Variants in FBXW7 observed in about 807,000 individuals in gnomAD.
FBXW7 encodes F-box and WD repeat domain containing 7, also known as F-box/WD repeat-containing protein 7.
FBXW7 carries 11 observed loss-of-function variants against 86.3 expected under a neutral mutation model. The ratio of observed to expected loss-of-function variants is 0.13; its 90% CI spans 0.08 to 0.21. The LOEUF (loss-of-function observed/expected upper bound fraction) is 0.21. Among genes scored for constraint, FBXW7 ranks in the 10% least tolerant of loss-of-function variants. FBXW7 has a pLI of 1.00. For missense variants in FBXW7, 488 were observed against 847.4 expected, an observed-to-expected ratio of 0.58 and a Z score of 5.27; for synonymous variants, 313 against 297.9, an observed-to-expected ratio of 1.05 and a Z score of -0.52.
At chr4:152,326,712 C>T (rs930109804) in intron 11 of FBXW7, among the ~76,000 whole-genome samples, 4 of 151,966 alleles carry the variant, frequency 2.6e-5, no homozygotes, top group African/African-American at 7.2e-5. Flanking sequence ...ATTATGAATG[C>T]ATATATTCCC....
intron 4 of FBXW7, among the ~76,000 whole-genome samples, chr4:152,403,950 A>G (rs1038248700): frequency 6.6e-6 from 1 of 152,218 alleles, no homozygotes; most frequent in East Asian, 1.9e-4. Context: ...CTCTTCAAAG[A>G]AAACAATAAA....
At chr4:152,524,679 T>C (rs1003964734) in intron 2 of FBXW7, among the ~76,000 whole-genome samples, 4 of 152,134 alleles carry the variant, frequency 2.6e-5, no homozygotes, top group African/African-American at 9.7e-5. Flanking sequence ...CTGCCTCTTC[T>C]TTCCTCCCTC....
intron 2 of FBXW7, among the ~76,000 whole-genome samples, chr4:152,486,716 T>C (rs1485725282): frequency 1.3e-5 from 2 of 152,006 alleles, no homozygotes; most frequent in East Asian, 3.9e-4. Context: ...TTTTAATAAG[T>C]AGAAGTACAT....
At chr4:152,449,694 A>C (rs370658512) in intron 2 of FBXW7, among the ~76,000 whole-genome samples, 43 of 152,228 alleles carry the variant, frequency 2.8e-4, no homozygotes, top group African/African-American at 1.0e-3. Flanking sequence ...ACCACAAACC[A>C]CCCTGAAAAC....
chr4:152,423,207 ATGG>A (rs1381212970), intron 2 of FBXW7, among the ~76,000 whole-genome samples: 2 of 152,326 alleles, frequency 1.3e-5, no homozygotes, highest in Admixed American at 1.3e-4. Flanking sequence ...AGGTGGCAAA[ATGG>A]TGGTATTCTA....
intron 4 of FBXW7, among the ~76,000 whole-genome samples, chr4:152,382,793 T>A: frequency 6.6e-6 from 1 of 152,292 alleles, no homozygotes; most frequent in Non-Finnish European, 1.5e-5. Flanking sequence ...GTCTTCCTTA[T>A]CCAAATGTCA....
chr4:152,391,134 A>C (rs1281038253), intron 4 of FBXW7, among the ~76,000 whole-genome samples: 1 of 152,082 alleles, frequency 6.6e-6, no homozygotes, highest in Admixed American at 6.6e-5. Flanking sequence ...ATTTTCAGTA[A>C]TGTGCTATGC....
intron 2 of FBXW7, among the ~76,000 whole-genome samples, chr4:152,438,776 C>G (rs891870165): frequency 3.9e-5 from 6 of 152,238 alleles, no homozygotes; most frequent in Admixed American, 1.3e-4. Flanking sequence ...ACTACCCTAC[C>G]CACATGGGAG....
chr4:152,347,080 A>C lies in FBXW7; in HGVS notation c.585-9T>G. On this transcript the variant is annotated splice_polypyrimidine_tract_variant and intron_variant, in intron 5 of 13. Coordinates refer to ENST00000281708, the MANE Select transcript of FBXW7 (RefSeq NM_001349798.2). ...GTACAAGCCCAGTGGTACTACAAAA[A>C]AAAAAAAAAGAGAGAGAGAAAGGAT... 1 of 1,583,710 alleles carries C rather than the reference A, an allele frequency of 6.3e-7. No individual in the cohort carries two copies. Among genetic ancestry groups the C allele is most frequent in the Non-Finnish European group, 8.5e-7 (1 of 1,170,234 alleles).
chr4:152,330,970 T>A lies in FBXW7; in HGVS notation c.986-102A>T, dbSNP rs150186940. Reference sequence around the variant, plus strand: ...TATAAAGAGTATTCCATCTCTCTGCTCAAAACCACTGAAATGCAAGACATT... The same window carrying A: ...TATAAAGAGTATTCCATCTCTCTGCACAAAACCACTGAAATGCAAGACATT... On this transcript the variant is annotated intron_variant, in intron 8 of 13. Transcript: ENST00000281708. The A allele has an allele frequency of 1.8e-5, 20 of 1,132,516 alleles. No individual in the cohort carries two copies. In the African/African-American group the frequency reaches 2.5e-4, roughly 14 times the overall value. The allele number at this position is 1,132,516 out of a possible 1,614,324, so 70.2% of individuals were successfully genotyped here.
chr4:152,501,113 A>G (rs780519321), intron 2 of FBXW7, among the ~76,000 whole-genome samples: 1 of 152,212 alleles, frequency 6.6e-6, no homozygotes, highest in African/African-American at 2.4e-5. Flanking sequence ...TTCTTGTAAG[A>G]TATCTCAAAG....
At chr4:152,358,252 A>G (rs1732587928) in intron 4 of FBXW7, among the ~76,000 whole-genome samples, 1 of 152,220 alleles carries the variant, frequency 6.6e-6, no homozygotes, top group Admixed American at 6.5e-5. Context: ...AAAGAATTTA[A>G]CATGGAGAAA....
intron 4 of FBXW7, among the ~76,000 whole-genome samples, chr4:152,399,768 C>T (rs191062234): frequency 5.5e-4 from 83 of 152,156 alleles, no homozygotes; most frequent in Admixed American, 2.4e-3. Context: ...ATAAGATCTA[C>T]ATAATGAAAA....
At chr4:152,340,401 C>A (rs1054049747) in intron 6 of FBXW7, among the ~76,000 whole-genome samples, 1 of 151,536 alleles carries the variant, frequency 6.6e-6, no homozygotes, top group African/African-American at 2.4e-5. Flanking sequence ...CATGGTGAAA[C>A]CCCATCTCTA....
At chr4:152,503,495 C>T (rs1420771506) in intron 2 of FBXW7, among the ~76,000 whole-genome samples, 4 of 152,164 alleles carry the variant, frequency 2.6e-5, no homozygotes, top group African/African-American at 9.7e-5. Flanking sequence ...TGGTCTCGAT[C>T]TCCTGGCCTC....
intron 2 of FBXW7, among the ~76,000 whole-genome samples, chr4:152,514,543 A>G (rs758338335): frequency 3.3e-5 from 5 of 152,174 alleles, no homozygotes; most frequent in Non-Finnish European, 7.4e-5. Flanking sequence ...AGGGTGGGGC[A>G]CAGTGGGAGG....
intron 4 of FBXW7, among the ~76,000 whole-genome samples, chr4:152,390,114 AT>A (rs956191082): frequency 6.6e-6 from 1 of 150,872 alleles, no homozygotes; most frequent in South Asian, 2.1e-4. Flanking sequence ...GTGTTTATAT[AT>A]TTTTTTCCTC....
At chr4:152,395,904 T>C (rs2126823726) in intron 4 of FBXW7, among the ~76,000 whole-genome samples, 1 of 152,176 alleles carries the variant, frequency 6.6e-6, no homozygotes, top group Middle Eastern at 3.4e-3. Context: ...TTGCAAAATC[T>C]GGACACCAAT....
intron 2 of FBXW7, among the ~76,000 whole-genome samples, chr4:152,525,445 C>T (rs1376582532): frequency 6.6e-6 from 1 of 152,164 alleles, no homozygotes; most frequent in Non-Finnish European, 1.5e-5. Context: ...ATCTTTTCTG[C>T]TCTTCTCCCT....
Sources: gnomAD v4.1 joint callset for allele counts (sites outside exome capture counted in the v4.1 genomes callset) on GRCh38, gnomAD v4.1.1 for gene constraint, MANE v1.5 for transcripts, NCBI Gene and HGNC (gene_info 2026-07-23, HGNC 2026-07-21) for gene names.